Variants in DOK6 observed in about 807,000 individuals in gnomAD.
DOK6 encodes the protein docking protein 6, also known as downstream of tyrosine kinase 6.
A neutral mutation model predicts 44.0 loss-of-function variants in DOK6; 22 were observed. The ratio of observed to expected loss-of-function variants is 0.50; its 90% CI spans 0.36 to 0.71. DOK6 has a LOEUF of 0.71. DOK6 is among the 30% of genes least tolerant of loss of function. The probability of loss-of-function intolerance (pLI) is 0.00; values close to 1 mark genes in which losing one functional copy is unlikely to be tolerated. For synonymous variants in DOK6, 166 were observed against 145.5 expected, an observed-to-expected ratio of 1.14 and a Z score of -1.01; for missense variants, 340 against 416.4, an observed-to-expected ratio of 0.82 and a Z score of 1.60.
intron 3 of DOK6, among the ~76,000 whole-genome samples, chr18:69,657,741 A>C (rs1172202188): frequency 1.3e-5 from 2 of 152,210 alleles, no homozygotes; most frequent in African/African-American, 4.8e-5. Flanking sequence ...ACAAGAAGGA[A>C]ATAGTAAATT....
intron 1 of DOK6, among the ~76,000 whole-genome samples, chr18:69,499,727 C>A (rs138448692): frequency 6.6e-6 from 1 of 152,130 alleles, no homozygotes; most frequent in Non-Finnish European, 1.5e-5. Context: ...GCCTAACAGG[C>A]GCTCAGACTT....
intron 1 of DOK6, among the ~76,000 whole-genome samples, chr18:69,447,408 GTCTATATC>G (rs536616384): frequency 7.8e-4 from 119 of 152,162 alleles, no homozygotes; most frequent in South Asian, 2.5e-3. Context: ...TGTTCCATTG[GTCTATATC>G]TCTGTTTTGG....
chr18:69,640,511 A>AT (rs34492286), intron 3 of DOK6, among the ~76,000 whole-genome samples: 51,449 of 151,944 alleles, frequency 0.34, 9,401 homozygotes, highest in Non-Finnish European at 0.41. Flanking sequence ...CCCTTTTTGC[A>AT]TGCTGGCAAC....
At chr18:69,697,039 T>C (rs941077584) in intron 4 of DOK6, among the ~76,000 whole-genome samples, 1 of 152,194 alleles carries the variant, frequency 6.6e-6, no homozygotes, top group African/African-American at 2.4e-5. Context: ...AGATAAGCTA[T>C]TGTCCAAAAT....
intron 3 of DOK6, among the ~76,000 whole-genome samples, chr18:69,635,299 T>C (rs541882000): frequency 1.3e-5 from 2 of 152,208 alleles, no homozygotes; most frequent in South Asian, 2.1e-4. Flanking sequence ...CTCATATGGA[T>C]TGGCTTGAGG....
At chr18:69,643,208 A>G (rs1402920500) in intron 3 of DOK6, among the ~76,000 whole-genome samples, 1 of 152,240 alleles carries the variant, frequency 6.6e-6, no homozygotes, top group Non-Finnish European at 1.5e-5. Flanking sequence ...TTGCAAAACT[A>G]TAGTATAATA....
At chr18:69,433,248 T>C (rs1336670638) in intron 1 of DOK6, among the ~76,000 whole-genome samples, 1 of 152,174 alleles carries the variant, frequency 6.6e-6, no homozygotes, top group Non-Finnish European at 1.5e-5. Flanking sequence ...AATTGAACCA[T>C]TGATAGTAAA....
At chr18:69,547,690 C>G (rs1013554256) in intron 1 of DOK6, among the ~76,000 whole-genome samples, 2 of 151,112 alleles carry the variant, frequency 1.3e-5, no homozygotes, top group African/African-American at 4.8e-5. Flanking sequence ...CAACCAATGT[C>G]TCTTCATCCA....
chr18:69,611,495 T>TACACACACACACAC (rs58620722), intron 3 of DOK6, among the ~76,000 whole-genome samples: 46 of 150,922 alleles, frequency 3.0e-4, no homozygotes, highest in African/African-American at 8.0e-4. Context: ...CAAGTACACG[T>TACACACACACACAC]ACACACACAC....
chr18:69,591,746 C>T (rs1350009239), intron 2 of DOK6, among the ~76,000 whole-genome samples: 1 of 151,992 alleles, frequency 6.6e-6, no homozygotes, highest in Non-Finnish European at 1.5e-5. Flanking sequence ...TGAAACTAGA[C>T]CTATGAATTC....
intron 6 of DOK6, among the ~76,000 whole-genome samples, chr18:69,748,244 C>A (rs1399912889): frequency 2.6e-5 from 4 of 151,990 alleles, no homozygotes; most frequent in Non-Finnish European, 5.9e-5. Context: ...TTCATAAAAC[C>A]AGTTCTTAGA....
At chr18:69,512,110 T>G (rs1981383475) in intron 1 of DOK6, among the ~76,000 whole-genome samples, 1 of 130,454 alleles carries the variant, frequency 7.7e-6, no homozygotes, top group Non-Finnish European at 1.6e-5. Context: ...ACACACAATC[T>G]TTAGGTTTAA....
At chr18:69,524,420 T>C (rs1362370036) in intron 1 of DOK6, among the ~76,000 whole-genome samples, 1 of 152,044 alleles carries the variant, frequency 6.6e-6, no homozygotes, top group Non-Finnish European at 1.5e-5. Context: ...AGCCTCTGTG[T>C]GAAATTAGAG....
At chr18:69,444,789 A>C (rs1979235946) in intron 1 of DOK6, among the ~76,000 whole-genome samples, 1 of 151,772 alleles carries the variant, frequency 6.6e-6, no homozygotes. Context: ...GAAATTGAGA[A>C]ATATGAGTCC....
intron 7 of DOK6, among the ~76,000 whole-genome samples, chr18:69,835,244 C>A (rs1276714224): frequency 6.6e-6 from 1 of 152,024 alleles, no homozygotes; most frequent in African/African-American, 2.4e-5. Flanking sequence ...GGGTGGATCA[C>A]GAGGTCAGGA....
chr18:69,606,273 AAAATAAAT>A (rs139420505), intron 3 of DOK6, among the ~76,000 whole-genome samples: 35,637 of 141,742 alleles, frequency 0.25, 4,748 homozygotes, highest in Middle Eastern at 0.42. Flanking sequence ...ACTCCATCTC[AAAATAAAT>A]AAATAAATAA....
At chr18:69,642,878 C>T (rs939549778) in intron 3 of DOK6, among the ~76,000 whole-genome samples, 2 of 152,200 alleles carry the variant, frequency 1.3e-5, no homozygotes, top group Non-Finnish European at 2.9e-5. Flanking sequence ...TTTTGTTCCT[C>T]ACAAACTTAA....
intron 1 of DOK6, among the ~76,000 whole-genome samples, chr18:69,432,858 A>G (rs181544479): frequency 2.9e-4 from 44 of 152,368 alleles, no homozygotes; most frequent in Non-Finnish European, 5.3e-4. Flanking sequence ...TGTGCTTGAT[A>G]TAAAATTAAT....
At chr18:69,564,888 G>A (rs1482366639) in intron 2 of DOK6, among the ~76,000 whole-genome samples, 1 of 151,992 alleles carries the variant, frequency 6.6e-6, no homozygotes, top group African/African-American at 2.4e-5. Flanking sequence ...TCTCTATTGA[G>A]GTTAATTATG....
Sources: gnomAD v4.1 joint callset for allele counts (sites outside exome capture counted in the v4.1 genomes callset) on GRCh38, gnomAD v4.1.1 for gene constraint, MANE v1.5 for transcripts, NCBI Gene and HGNC (gene_info 2026-07-23, HGNC 2026-07-21) for gene names.